TXK: variants seen among roughly 807,000 people sequenced by gnomAD.
TXK encodes TXK tyrosine kinase, also known as tyrosine-protein kinase TXK.
Under a neutral mutation model 81.0 loss-of-function variants are expected in TXK, and 60 were observed. The ratio of observed to expected loss-of-function variants is 0.74; its 90% confidence interval spans 0.60 to 0.92. TXK has a LOEUF of 0.92. Ranked by LOEUF, TXK falls within the 40% of genes least tolerant of loss-of-function variation. The pLI is 0.00. For missense variants in TXK, 581 were observed against 638.3 expected (o/e 0.91, Z 0.97); for synonymous variants, 203 against 210.7 (o/e 0.96, Z 0.32).
intron 14 of TXK, among the ~76,000 whole-genome samples, chr4:48,070,582 A>C (rs1028195023): frequency 2.0e-5 from 3 of 151,868 alleles, no homozygotes; most frequent in Admixed American, 2.0e-4. Context: ...TTATTTATTT[A>C]TTTATTTATT....
rs749586120 is a variant in TXK at position 48,086,591 on chromosome 4, A to G, written c.831T>C (p.Ile277=). 3 of 1,614,128 alleles carry G rather than the reference A, an allele frequency of 1.9e-6. No individual in the cohort carries two copies. The highest frequency in any genetic ancestry group is 8.5e-7 in the Non-Finnish European group (1 of 1,179,984). The change falls in exon 10 of 15, where the codon ATT becomes ATC. Residue 277 remains isoleucine, a synonymous_variant. Transcript: ENST00000264316. Reference sequence around the variant, plus strand: ...GGACCACTCCAAACTGACCGCTTCCAATCTCCTTTATAAAAGCCAACTCAG... The same window carrying G: ...GGACCACTCCAAACTGACCGCTTCCGATCTCCTTTATAAAAGCCAACTCAG... ...DPSELAFIKE[I]GSGQFGVVHL... is the part of the protein sequence containing the mutation.
chr4:48,073,132 G>C (rs532361637), intron 13 of TXK, among the ~76,000 whole-genome samples: 51 of 131,258 alleles, frequency 3.9e-4, no homozygotes, highest in African/African-American at 1.4e-3. Flanking sequence ...TTGCTAGGTT[G>C]CCCAGGCTAG....
chr4:48,089,623 C>A (rs1202686135), intron 9 of TXK, 127 bp downstream of exon 9: 4 of 707,238 alleles, frequency 5.7e-6, no homozygotes, highest in Non-Finnish European at 1.0e-5. Flanking sequence ...AACGCCTGAC[C>A]TAAGGTGATC....
chr4:48,114,456 A>G, intron 1 of TXK, 54 bp from the exon 2 acceptor site: 3 of 1,563,140 alleles, frequency 1.9e-6, no homozygotes, highest in Non-Finnish European at 2.6e-6. Context: ...CGTGATATTG[A>G]GGGAGTCTCT....
At chr4:48,085,763 C>G (rs34184567) in intron 10 of TXK, among the ~76,000 whole-genome samples, 5,400 of 152,196 alleles carry the variant, frequency 0.035, 124 homozygotes, top group Middle Eastern at 0.088. Flanking sequence ...GAGACGAGAT[C>G]GGCTGCAGGA....
At chr4:48,069,898 T>C (rs958921313) in intron 14 of TXK, among the ~76,000 whole-genome samples, 2 of 152,238 alleles carry the variant, frequency 1.3e-5, no homozygotes, top group African/African-American at 4.8e-5. Context: ...AACGGCTGCT[T>C]ATTACTACTC....
At chr4:48,068,879 G>C (rs1277214566) in intron 14 of TXK, among the ~76,000 whole-genome samples, 8 of 152,226 alleles carry the variant, frequency 5.3e-5, no homozygotes, top group Admixed American at 5.2e-4. Flanking sequence ...TGCAAGTGAG[G>C]GTCCTTATTG....
chr4:48,068,572 T>G (rs1417624302), intron 14 of TXK, among the ~76,000 whole-genome samples: 3 of 152,240 alleles, frequency 2.0e-5, no homozygotes, highest in Non-Finnish European at 2.9e-5. Context: ...GCACAGTTTT[T>G]GAGTCAGCAA....
In TXK at chr4:48,071,520, A is replaced by C. The variant is rs370756244; in HGVS notation, c.1512T>G (p.His504Gln). Residue 504 changes from histidine to glutamine, a missense_variant, in exon 14 of 15, where the codon CAT becomes CAG. Coordinates refer to ENST00000264316, the MANE Select transcript of TXK (RefSeq NM_003328.3). The part of the protein sequence containing the change: ...SIYEVMYSCW[H>Q]EKPEGRPTFA... ...TAGGAAAGTAACATATGCTTACCTC[A>C]TGCCAGCAGCTGTACATGACTTCAT... 82 of 1,612,894 alleles carry C rather than the reference A, an allele frequency of 5.1e-5. No homozygotes were observed. The African/African-American group carries it at 1.1e-3, about 21-fold the overall frequency.
intron 13 of TXK, among the ~76,000 whole-genome samples, chr4:48,072,030 T>A (rs775593267): frequency 9.3e-5 from 14 of 149,836 alleles, no homozygotes; most frequent in Non-Finnish European, 1.9e-4. Context: ...CTCAGCTCAC[T>A]GCAACCTCTG....
At chr4:48,132,058 T>C (rs1223195352) in intron 1 of TXK, among the ~76,000 whole-genome samples, 3 of 151,288 alleles carry the variant, frequency 2.0e-5, no homozygotes, top group Non-Finnish European at 4.4e-5. Flanking sequence ...TTTTTTTTTT[T>C]ACAAAATCTA....
intron 1 of TXK, chr4:48,114,632 C>T: frequency 1.8e-6 from 1 of 546,126 alleles, no homozygotes; most frequent in Non-Finnish European, 3.3e-6. Flanking sequence ...CTGGTTTTTG[C>T]ATTTCCTCAG....
At chr4:48,097,748 ATTTT>A (rs564793266) in intron 6 of TXK, among the ~76,000 whole-genome samples, 2 of 114,370 alleles carry the variant, frequency 1.7e-5, no homozygotes, top group East Asian at 2.6e-4. Context: ...AAGCTACCAC[ATTTT>A]TTTTTTTTTT....
chr4:48,131,317 CT>C (rs35308874), intron 1 of TXK, among the ~76,000 whole-genome samples: 6,558 of 145,038 alleles, frequency 0.045, 368 homozygotes, highest in African/African-American at 0.13. Context: ...AACATATAAA[CT>C]TTTTTTTTTT....
intron 8 of TXK, among the ~76,000 whole-genome samples, chr4:48,090,597 T>C (rs1243455938): frequency 6.6e-6 from 1 of 152,238 alleles, no homozygotes; most frequent in Non-Finnish European, 1.5e-5. Context: ...GTTCAGCTAA[T>C]ATTTATTAAA....
In TXK at chr4:48,075,673, T is replaced by C. The variant is rs543585913; in HGVS notation, c.1238+729A>G. Among the ~76,000 whole-genome samples, 4 of 152,092 alleles carry C rather than the reference T, an allele frequency of 2.6e-5. No homozygotes were observed. In the East Asian group the frequency reaches 7.7e-4, roughly 29 times the overall value. ...GAAAAAAAAAATTGCCAGTTCTGAA[T>C]GAATCTTGCAGAAAAAATTCAGTAC... On this transcript the variant is annotated intron_variant, in intron 12 of 14. Coordinates refer to ENST00000264316, the MANE Select transcript of TXK (RefSeq NM_003328.3).
chr4:48,103,095 G>T (rs186637654), intron 6 of TXK, among the ~76,000 whole-genome samples: 16 of 152,234 alleles, frequency 1.1e-4, no homozygotes, highest in African/African-American at 3.9e-4. Context: ...GCCATATCTG[G>T]GTTGCGGGCC....
At chr4:48,128,480 T>C (rs1180586041) in intron 1 of TXK, among the ~76,000 whole-genome samples, 1 of 151,464 alleles carries the variant, frequency 6.6e-6, no homozygotes, top group African/African-American at 2.4e-5. Flanking sequence ...CTGCAACATA[T>C]CCTTTTTGTT....
At chr4:48,073,078 C>T (rs888137681) in intron 13 of TXK, among the ~76,000 whole-genome samples, 7 of 141,600 alleles carry the variant, frequency 4.9e-5, no homozygotes, top group Non-Finnish European at 1.5e-5. Flanking sequence ...GTATATGCCA[C>T]CACACCTGGC....
Sources: gnomAD v4.1 joint callset for allele counts (sites outside exome capture counted in the v4.1 genomes callset) on GRCh38, gnomAD v4.1.1 for gene constraint, MANE v1.5 for transcripts, NCBI Gene and HGNC (gene_info 2026-07-23, HGNC 2026-07-21) for gene names.